FOXP4: variants seen among roughly 807,000 people sequenced by gnomAD.
FOXP4 encodes the protein forkhead box P4, also known as forkhead box protein P4.
In FOXP4, 25 loss-of-function variants were observed where a neutral mutation model predicts 82.6. That is an observed-to-expected ratio of 0.30 (90% CI 0.22 to 0.42). The LOEUF is 0.42. Ranked by LOEUF, FOXP4 falls within the 10% of genes least tolerant of loss-of-function variation. FOXP4 has a pLI of 1.00. For synonymous variants in FOXP4, 415 were observed against 388.2 expected (o/e 1.07, Z -0.81); for missense variants, 785 against 900.9 (o/e 0.87, Z 1.65).
Position 41,599,104 on chromosome 6 carries a change from G to A in FOXP4, c.*168G>A, listed in dbSNP as rs1561812053. 3 of 904,014 alleles carry A rather than the reference G, an allele frequency of 3.3e-6. No homozygotes were observed. Among genetic ancestry groups the A allele is most frequent in the Non-Finnish European group, 4.9e-6 (3 of 611,380 alleles). The allele number at this position is 904,014 out of a possible 1,614,324, so 56.0% of individuals were successfully genotyped here. On this transcript the variant is annotated 3_prime_UTR_variant, in exon 17 of 17. Coordinates refer to ENST00000307972, the MANE Select transcript of FOXP4 (RefSeq NM_001012426.2). ...GTGTGACCTGACAAAAACACGTAGG[G>A]GCAGGGACGGTCCCCACCCCCAGGG...
intron 15 of FOXP4, 48 bp from the exon 16 acceptor site, chr6:41,597,732 GC>G: frequency 6.3e-7 from 1 of 1,580,584 alleles, no homozygotes; most frequent in East Asian, 2.3e-5. Flanking sequence ...GACTGAGTGT[GC>G]CCCATCCTGT....
At position 41,590,353 on chromosome 6, in the gene FOXP4, C is replaced by A; in HGVS notation, c.1434+6C>A. 6.2e-7 allele frequency: 1 copy of A among 1,613,466 alleles called. No individual in the cohort carries two copies. The highest frequency in any genetic ancestry group is 1.7e-5 in the Admixed American group (1 of 59,978). ...ACGCCTCCCTCATCCGCCAGGTGAG[C>A]AGGGCAGGTAGGAGGAGGGTGGGGA... is the stretch of plus-strand genomic sequence containing the variant. On this transcript the variant is annotated splice_donor_region_variant and intron_variant, in intron 12 of 16. Transcript: ENST00000307972.
chr6:41,583,388 C>T (rs866686788), intron 3 of FOXP4, among the ~76,000 whole-genome samples: 2 of 152,230 alleles, frequency 1.3e-5, no homozygotes, highest in Admixed American at 6.5e-5. Flanking sequence ...TCCTCCTCCC[C>T]TACCCCACAG....
At chr6:41,557,911 C>A (rs186665907) in intron 1 of FOXP4, among the ~76,000 whole-genome samples, 60 of 152,276 alleles carry the variant, frequency 3.9e-4, no homozygotes, top group Non-Finnish European at 4.6e-4. Flanking sequence ...CCTTACAAAT[C>A]GAAGGCTTTG....
Position 41,591,294 on chromosome 6 carries a change from A to G in FOXP4, c.1508A>G (p.Tyr503Cys). The G allele has an allele frequency of 6.2e-7, 1 of 1,606,496 alleles. No individual in the cohort carries two copies. Among genetic ancestry groups the G allele is most frequent in the Non-Finnish European group, 8.5e-7 (1 of 1,176,310 alleles). Residue 503 changes from tyrosine (Y) to cysteine (C), a missense_variant, in exon 13 of 17, where the codon TAT becomes TGT. Around this residue, in one of 3 missense-constraint regions of FOXP4, gnomAD observed 31 missense variants for 79.6 expected, o/e 0.39. Transcript: ENST00000307972. This position sits in a 1 kb window ranked among gnomAD's most constrained non-coding sequence, Gnocchi z 4.2. ...IYNWFTRMFAYFRRNTATWKN... is the reference protein window; with the variant it reads ...IYNWFTRMFACFRRNTATWKN... ...AACTGGTTCACCAGGATGTTCGCCTATTTCCGCAGAAACACTGCCACCTGG... is the reference window on the plus strand; with the variant it reads ...AACTGGTTCACCAGGATGTTCGCCTGTTTCCGCAGAAACACTGCCACCTGG...
In FOXP4 at chr6:41,590,141, G is replaced by A. The variant is rs199638772; in HGVS notation, c.1328G>A (p.Ser443Asn). ...GGGGGCCCAGCCCGTCGGAGAAGCAGTGACAAGTTCTGCTCCCCCATCTCC... is the reference window on the plus strand; with the variant it reads ...GGGGGCCCAGCCCGTCGGAGAAGCAATGACAAGTTCTGCTCCCCCATCTCC... ...HGGGPARRRSSDKFCSPISSE... is the reference protein window; with the variant it reads ...HGGGPARRRSNDKFCSPISSE... The change falls in exon 11 of 17, where the codon AGT (serine) becomes AAT (asparagine). Residue 443 changes from serine to asparagine, a missense_variant. Transcript: ENST00000307972. 6.8e-6 allele frequency: 11 copies of A among 1,609,640 alleles called. No homozygotes were observed. The highest frequency in any genetic ancestry group is 6.6e-5 in the South Asian group (6 of 90,802).
chr6:41,588,708 G>A lies in FOXP4; in HGVS notation c.1042G>A (p.Val348Met). ...AGCCCAGTGCCGGGTACAGATGCAG[G>A]TGGTGCAGCAGCTGGAGATCCAGGT... Reference protein sequence around the residue: ...STAQCRVQMQVVQQLEIQLAK... With the variant: ...STAQCRVQMQMVQQLEIQLAK... Residue 348 changes from valine to methionine, a missense_variant, in exon 9 of 17, where the codon GTG becomes ATG. Val to Met is a conservative substitution (Grantham distance 21, BLOSUM62 1). Transcript: ENST00000307972. 6.2e-7 allele frequency: 1 copy of A among 1,613,908 alleles called. No homozygotes were observed. The highest frequency in any genetic ancestry group is 8.5e-7 in the Non-Finnish European group (1 of 1,180,030).
intron 1 of FOXP4, among the ~76,000 whole-genome samples, chr6:41,549,062 C>T (rs954044087): frequency 2.0e-5 from 3 of 152,090 alleles, no homozygotes; most frequent in African/African-American, 7.2e-5. Context: ...TGGTTGCCCC[C>T]TCTCAGCCTC....
chr6:41,593,164 C>A lies in FOXP4; in HGVS notation c.1537-1706C>A, dbSNP rs190307223. Among the ~76,000 whole-genome samples, 21 of 152,338 alleles carry A rather than the reference C, an allele frequency of 1.4e-4. No homozygotes were observed. Among genetic ancestry groups the A allele is most frequent in the Admixed American group, 1.2e-3 (19 of 15,296 alleles). On this transcript the variant is annotated intron_variant, in intron 13 of 16. Coordinates refer to ENST00000307972, the MANE Select transcript of FOXP4 (RefSeq NM_001012426.2). The surrounding 1 kb of genome is among the most constrained non-coding windows in gnomAD (Gnocchi z 4.1). ...ACACCATCTACACCCAACTCTGCTT[C>A]CCTTCCACCTCTACTTTCCACTCAT...
rs1205590462 is a variant in FOXP4, at chr6:41,598,904, G to A, written c.2011G>A (p.Glu671Lys). 1 of 1,608,178 alleles carries A rather than the reference G, an allele frequency of 6.2e-7. No homozygotes were observed. The highest frequency in any genetic ancestry group is 8.5e-7 in the Non-Finnish European group (1 of 1,178,242). Reference sequence around the variant, plus strand: ...GGGGCCTCCGGAAGACAGGGACCTGGAGGAGGAGCTGCCGGGAGAAGAACT... The same window carrying A: ...GGGGCCTCCGGAAGACAGGGACCTGAAGGAGGAGCTGCCGGGAGAAGAACT... ...ASGPPEDRDL[E>K]EELPGEELS Residue 671 changes from glutamate to lysine, a missense_variant, in exon 17 of 17, where the codon GAG (glutamate) becomes AAG (lysine). Glu to Lys is a moderately conservative substitution (Grantham distance 56). Transcript: ENST00000307972.
At chr6:41,556,159 G>A (rs1198972798) in intron 1 of FOXP4, among the ~76,000 whole-genome samples, 2 of 152,002 alleles carry the variant, frequency 1.3e-5, no homozygotes, top group Admixed American at 6.6e-5. Context: ...AGTCAGGAGA[G>A]CCACCTGGTT....
chr6:41,600,853 A>T lies in FOXP4; in HGVS notation c.*1917A>T, dbSNP rs1767186327. On this transcript the variant is annotated 3_prime_UTR_variant, in exon 17 of 17. Coordinates refer to ENST00000307972, the MANE Select transcript of FOXP4 (RefSeq NM_001012426.2). ...TGTGCCTCCTGTCCCTTCCACGCTTAAACAGGGTTCTCTGTCATTTTCCTG... is the reference window on the plus strand; with the variant it reads ...TGTGCCTCCTGTCCCTTCCACGCTTTAACAGGGTTCTCTGTCATTTTCCTG... The T allele has an allele frequency of 6.6e-6, 1 of 152,376 alleles. No individual in the cohort carries two copies. Among genetic ancestry groups the T allele is most frequent in the South Asian group, 2.1e-4 (1 of 4,834 alleles). The allele number at this position is 152,376 out of a possible 1,614,324, so 9.4% of individuals were successfully genotyped here.
chr6:41,587,169 C>A lies in FOXP4; in HGVS notation c.658+13C>A. 6.2e-7 allele frequency: 1 copy of A among 1,607,022 alleles called. No homozygotes were observed. The highest frequency in any genetic ancestry group is 8.5e-7 in the Non-Finnish European group (1 of 1,177,278). On this transcript the variant is annotated intron_variant, in intron 6 of 16. Coordinates refer to ENST00000307972, the MANE Select transcript of FOXP4 (RefSeq NM_001012426.2). Reference sequence around the variant, plus strand: ...ACCCTTCCGCAAGGTGAGCACCCGCCACTCCTCCCCTCCCAGCCCCAACCC... The same window carrying A: ...ACCCTTCCGCAAGGTGAGCACCCGCAACTCCTCCCCTCCCAGCCCCAACCC...
intron 13 of FOXP4, among the ~76,000 whole-genome samples, chr6:41,594,577 GAT>G (rs1766713017): frequency 6.6e-6 from 1 of 152,212 alleles, no homozygotes; most frequent in African/African-American, 2.4e-5. Context: ...TTACTAACTG[GAT>G]AGCATTTAGT....
intron 14 of FOXP4, among the ~76,000 whole-genome samples, chr6:41,596,327 C>T (rs1338045013): frequency 2.0e-5 from 3 of 152,206 alleles, no homozygotes; most frequent in African/African-American, 7.2e-5. Flanking sequence ...GCTTGCTGTG[C>T]CCCTTGGGCC....
chr6:41,578,495 T>C (rs1765620309), intron 3 of FOXP4, among the ~76,000 whole-genome samples: 1 of 152,164 alleles, frequency 6.6e-6, no homozygotes, highest in Non-Finnish European at 1.5e-5. Context: ...AGGCCATCTC[T>C]GTTGCTGCAG....
chr6:41,564,119 G>T (rs917526134), intron 1 of FOXP4, among the ~76,000 whole-genome samples: 7 of 152,192 alleles, frequency 4.6e-5, no homozygotes, highest in Non-Finnish European at 2.9e-5. Flanking sequence ...GGGGGTAGTT[G>T]GGGAGCCCCC....
At chr6:41,597,096 G>C in intron 14 of FOXP4, 80 bp from the exon 15 acceptor site, 1 of 1,460,592 alleles carries the variant, frequency 6.8e-7, no homozygotes, top group South Asian at 1.1e-5. Context: ...AGCACAGGCC[G>C]TTACTTAGTG....
intron 3 of FOXP4, among the ~76,000 whole-genome samples, chr6:41,580,821 C>T (rs1013533517): frequency 6.6e-6 from 1 of 152,222 alleles, no homozygotes; most frequent in Non-Finnish European, 1.5e-5. Context: ...TTTCCCAGGG[C>T]TCCCCACAGA....
Sources: gnomAD v4.1 joint callset for allele counts (sites outside exome capture counted in the v4.1 genomes callset) on GRCh38, gnomAD v4.1.1 for gene constraint, gnomAD v4.1.1 regional missense constraint, Gnocchi (gnomAD v3.1) non-coding constraint, MANE v1.5 for transcripts, NCBI Gene and HGNC (gene_info 2026-07-23, HGNC 2026-07-21) for gene names.